SGCZ: variants seen among roughly 807,000 people sequenced by gnomAD.
SGCZ encodes the protein zeta-sarcoglycan.
In SGCZ, 40 loss-of-function variants were observed where a neutral mutation model predicts 41.3. The observed-to-expected ratio is 0.97, with a 90% confidence interval of 0.75 to 1.26. SGCZ has a LOEUF of 1.26. Ranked by LOEUF, SGCZ falls within the 50% of genes most tolerant of loss-of-function variation. The pLI, the probability that SGCZ is intolerant of heterozygous loss-of-function variation, is 0.00. For missense variants in SGCZ, 552 were observed against 369.8 expected (o/e 1.49, Z -4.04); for synonymous variants, 206 against 137.5 (o/e 1.50, Z -3.49).
intron 2 of SGCZ, among the ~76,000 whole-genome samples, chr8:14,430,444 T>C (rs1799912166): frequency 6.6e-6 from 1 of 152,098 alleles, no homozygotes; most frequent in Admixed American, 6.5e-5. Flanking sequence ...AAACCAAAAA[T>C]GACATGATCA....
At chr8:15,085,004 T>G (rs943630944) in intron 1 of SGCZ, among the ~76,000 whole-genome samples, 9 of 152,158 alleles carry the variant, frequency 5.9e-5, no homozygotes, top group Admixed American at 5.2e-4. Context: ...CCACCTACTA[T>G]TTGCCAAGTG....
chr8:14,278,387 T>C (rs752414030), intron 3 of SGCZ, among the ~76,000 whole-genome samples: 2 of 152,160 alleles, frequency 1.3e-5, no homozygotes, highest in Non-Finnish European at 2.9e-5. Context: ...AGTCACAACA[T>C]CCATGTGTTC....
At chr8:15,141,941 T>C (rs566327186) in intron 1 of SGCZ, among the ~76,000 whole-genome samples, 1 of 151,256 alleles carries the variant, frequency 6.6e-6, no homozygotes, top group Admixed American at 6.6e-5. Context: ...TGAAAAGATC[T>C]GTCAAATGCA....
intron 3 of SGCZ, among the ~76,000 whole-genome samples, chr8:14,302,406 T>C (rs992024390): frequency 6.6e-6 from 1 of 152,184 alleles, no homozygotes; most frequent in Non-Finnish European, 1.5e-5. Context: ...CAGAGAAGCT[T>C]CTATCACAGA....
chr8:15,080,435 T>C (rs953595393), intron 1 of SGCZ, among the ~76,000 whole-genome samples: 1 of 152,118 alleles, frequency 6.6e-6, no homozygotes, highest in African/African-American at 2.4e-5. Context: ...GTTGGTAGTG[T>C]GCGTTAGGGA....
intron 1 of SGCZ, among the ~76,000 whole-genome samples, chr8:15,122,779 G>C (rs1282498330): frequency 3.3e-5 from 5 of 152,112 alleles, no homozygotes; most frequent in African/African-American, 4.8e-5. Context: ...ATCAGTAACA[G>C]TTCCTGTTGG....
intron 3 of SGCZ, among the ~76,000 whole-genome samples, chr8:14,275,003 A>G (rs1421820723): frequency 6.6e-6 from 1 of 152,166 alleles, no homozygotes; most frequent in Non-Finnish European, 1.5e-5. Flanking sequence ...AAGAAATATT[A>G]TTCATTCGAT....
At chr8:14,829,216 C>G (rs954692829) in intron 1 of SGCZ, among the ~76,000 whole-genome samples, 1 of 152,156 alleles carries the variant, frequency 6.6e-6, no homozygotes, top group East Asian at 1.9e-4. Flanking sequence ...CTGATAGGCC[C>G]CAGTGCATAT....
At chr8:14,237,753 T>C in intron 3 of SGCZ, 74 bp from the exon 4 acceptor site, 1 of 1,342,648 alleles carries the variant, frequency 7.4e-7, no homozygotes, top group Non-Finnish European at 1.0e-6. Flanking sequence ...ATACTGCATT[T>C]GTTTGGATAT....
In SGCZ at chr8:14,587,436, C is replaced by T. The variant is rs538155080; in HGVS notation, c.40-32510G>A. ...GATGTAATTCCAGTACTTTGGGAGA[C>T]GAAGGCAGGAATATGGCTTAAGCCT... On this transcript the variant is annotated intron_variant, in intron 1 of 7. Transcript: ENST00000382080. Among the ~76,000 whole-genome samples the T allele has an allele frequency of 2.3e-4, 34 of 150,730 alleles. 1 individual carries two copies. Among genetic ancestry groups the T allele is most frequent in the Admixed American group, 5.3e-4 (8 of 15,156 alleles).
chr8:15,118,560 G>A (rs943569814), intron 1 of SGCZ, among the ~76,000 whole-genome samples: 32 of 152,148 alleles, frequency 2.1e-4, no homozygotes, highest in Admixed American at 5.2e-4. Context: ...GGATGTGTGC[G>A]TGGAAGAAAA....
At chr8:15,066,302 G>A (rs1421157348) in intron 1 of SGCZ, among the ~76,000 whole-genome samples, 3 of 133,872 alleles carry the variant, frequency 2.2e-5, no homozygotes, top group East Asian at 2.3e-4. Flanking sequence ...GCGACAGAGC[G>A]AGACTCCGTC....
intron 1 of SGCZ, among the ~76,000 whole-genome samples, chr8:14,886,961 T>C (rs758174079): frequency 5.3e-5 from 8 of 151,734 alleles, no homozygotes; most frequent in Non-Finnish European, 1.2e-4. Flanking sequence ...TAGATTACAG[T>C]GGGGGGTAAG....
At chr8:14,255,058 AT>A (rs1799412373) in intron 3 of SGCZ, among the ~76,000 whole-genome samples, 2 of 152,066 alleles carry the variant, frequency 1.3e-5, no homozygotes, top group Non-Finnish European at 2.9e-5. Context: ...GATGTCCTCT[AT>A]GTATCTCAGT....
At chr8:15,152,846 A>C (rs1347894856) in intron 1 of SGCZ, among the ~76,000 whole-genome samples, 2 of 152,300 alleles carry the variant, frequency 1.3e-5, no homozygotes, top group African/African-American at 2.4e-5. Context: ...CTGACTAATA[A>C]TCTCCTGACT....
chr8:15,020,640 A>G (rs550627965), intron 1 of SGCZ, among the ~76,000 whole-genome samples: 14 of 152,346 alleles, frequency 9.2e-5, no homozygotes, highest in Admixed American at 1.3e-4. Flanking sequence ...ATTAAATAAT[A>G]TAACTGGCAT....
At chr8:14,249,117 T>C (rs1013446092) in intron 3 of SGCZ, among the ~76,000 whole-genome samples, 4 of 152,132 alleles carry the variant, frequency 2.6e-5, no homozygotes, top group Admixed American at 6.6e-5. Context: ...TTTGAATCAG[T>C]AGTCCCATTC....
chr8:14,913,914 G>T (rs189788287), intron 1 of SGCZ, among the ~76,000 whole-genome samples: 4 of 151,904 alleles, frequency 2.6e-5, no homozygotes, highest in Admixed American at 6.6e-5. Context: ...ATTTGTCAGA[G>T]AAATCCCTGA....
intron 2 of SGCZ, among the ~76,000 whole-genome samples, chr8:14,367,982 G>C (rs760823432): frequency 4.6e-5 from 7 of 151,984 alleles, no homozygotes; most frequent in Non-Finnish European, 7.4e-5. Flanking sequence ...TAGGTGGTAG[G>C]GATGTTACTG....
Sources: gnomAD v4.1 joint callset for allele counts (sites outside exome capture counted in the v4.1 genomes callset) on GRCh38, gnomAD v4.1.1 for gene constraint, MANE v1.5 for transcripts, NCBI Gene and HGNC (gene_info 2026-07-23, HGNC 2026-07-21) for gene names.